GRIN1: variants seen among roughly 807,000 people sequenced by gnomAD.
GRIN1 encodes the protein glutamate receptor ionotropic, NMDA 1.
In GRIN1, 38 loss-of-function variants were observed where a neutral mutation model predicts 103.0. The observed-to-expected ratio is 0.37, with a 90% CI of 0.28 to 0.48. The LOEUF (loss-of-function observed/expected upper bound fraction) is 0.48, where lower values mean the gene tolerates loss of function less well. Among genes scored for constraint, GRIN1 ranks in the 20% least tolerant of loss-of-function variants. The pLI is 0.98. For synonymous variants in GRIN1, 544 were observed against 532.7 expected (o/e 1.02, Z -0.29); for missense variants, 577 against 1,288.9 (o/e 0.45, Z 8.46).
Position 137,161,402 on chromosome 9 carries a change from G to C in GRIN1, c.1453G>C (p.Gly485Arg). ...GCACCTGGTGGCAGATGGCAAGTTC[G>C]GCACACAGGAGCGGGTAGGCTGGAC... ...EVHLVADGKF[G>R]TQERVNNSNK... The change falls in exon 10 of 20, where the codon GGC becomes CGC. Residue 485 changes from glycine (G) to arginine (R), a missense_variant. Physicochemically the swap from Gly to Arg is moderately radical, Grantham distance 125 (BLOSUM62 -2). Around this residue, in one of 9 missense-constraint regions of GRIN1, gnomAD observed 96 missense variants for 145.0 expected, o/e 0.66. Transcript: ENST00000371561. 1 of 1,612,142 alleles carries C rather than the reference G, an allele frequency of 6.2e-7. No individual in the cohort carries two copies. The highest frequency in any genetic ancestry group is 8.5e-7 in the Non-Finnish European group (1 of 1,179,620).
Position 137,139,835 on chromosome 9 carries a change from T to G in GRIN1, c.258+91T>G. The G allele has an allele frequency of 9.7e-7, 1 of 1,031,098 alleles. No homozygotes were observed. The allele number at this position is 1,031,098 out of a possible 1,614,324, so 63.9% of individuals were successfully genotyped here. A position where few individuals can be genotyped will look rare whatever the true frequency, so the allele number is the denominator to read the frequency against. On this transcript the variant is annotated intron_variant, in intron 1 of 19. Coordinates refer to ENST00000371561, the MANE Select transcript of GRIN1 (RefSeq NM_007327.4). The surrounding 1 kb of genome is among the most constrained non-coding windows in gnomAD (Gnocchi z 7.7). ...TTCATTCCATCCTTTCCGTGCCCCC[T>G]TCCTCCCTGTAAGACACCACCCCAG... is the stretch of plus-strand genomic sequence containing the variant.
rs1169074764 is a variant in GRIN1, at chr9:137,146,019, ACCACGTCTGGCGAGCGCCCG to A, written c.570+120_570+139del. ...CTTTCCATCGTGCATGGTCAGCACC[ACCACGTCTGGCGAGCGCCCG>A]CCCCAGCCTGTCCTCGGCTCATTTC... is the stretch of plus-strand genomic sequence containing the variant. On this transcript the variant is annotated intron_variant, in intron 3 of 19. Coordinates refer to ENST00000371561, the MANE Select transcript of GRIN1 (RefSeq NM_007327.4). This position sits in a 1 kb window ranked among gnomAD's most constrained non-coding sequence, Gnocchi z 6.7. 11 of 776,532 alleles carry A rather than the reference ACCACGTCTGGCGAGCGCCCG, an allele frequency of 1.4e-5. No individual in the cohort carries two copies. Among genetic ancestry groups the A allele is most frequent in the Non-Finnish European group, 2.3e-5 (11 of 475,852 alleles). The allele number at this position is 776,532 out of a possible 1,614,324, so 48.1% of individuals were successfully genotyped here.
chr9:137,155,371 C>T (rs1833155547), intron 4 of GRIN1, among the ~76,000 whole-genome samples: 1 of 152,206 alleles, frequency 6.6e-6, no homozygotes, highest in African/African-American at 2.4e-5. Flanking sequence ...GGGCACTGGG[C>T]CAGTGCTACT....
chr9:137,148,014 G>A (rs1020223705), intron 3 of GRIN1: 45 of 575,978 alleles, frequency 7.8e-5, no homozygotes, highest in Non-Finnish European at 1.2e-4. Context: ...CCCGGGCCTC[G>A]GTGTTTGCGA....
At position 137,156,948 on chromosome 9, in the gene GRIN1, C is replaced by G. The variant is rs746040843; in HGVS notation, c.879C>G (p.His293Gln). Reference protein sequence around the residue: ...DAVGVVAQAVHELLEKENITD... With the variant: ...DAVGVVAQAVQELLEKENITD... ...TGGGCGTGGTGGCCCAGGCCGTGCA[C>G]GAGCTCCTCGAGAAGGAGAACATCA... The change falls in exon 6 of 20, where the codon CAC becomes CAG. Residue 293 changes from histidine (H) to glutamine (Q), a missense_variant. Physicochemically the swap from His to Gln is conservative, Grantham distance 24 (BLOSUM62 0). Transcript: ENST00000371561. 1.9e-6 allele frequency: 3 copies of G among 1,611,952 alleles called. No homozygotes were observed. Among genetic ancestry groups the G allele is most frequent in the African/African-American group, 2.7e-5 (2 of 74,938 alleles).
chr9:137,161,749 G>T (rs1282499341), intron 10 of GRIN1, among the ~76,000 whole-genome samples, 175 bp from the exon 11 acceptor site: 1 of 150,802 alleles, frequency 6.6e-6, no homozygotes, highest in Non-Finnish European at 1.5e-5. Flanking sequence ...GGCCCGCCCG[G>T]CGTGGGAGGG....
intron 19 of GRIN1, among the ~76,000 whole-genome samples, chr9:137,167,136 G>A (rs895172041): frequency 2.0e-5 from 3 of 152,152 alleles, no homozygotes; most frequent in South Asian, 2.1e-4. Flanking sequence ...GGCTGGCCCC[G>A]CCCTGCAAGG....
chr9:137,166,773 G>C (rs901725767), intron 19 of GRIN1, among the ~76,000 whole-genome samples: 1 of 152,278 alleles, frequency 6.6e-6, no homozygotes, highest in Non-Finnish European at 1.5e-5. Context: ...AAAGCGGGCA[G>C]AGCTGATGCT....
chr9:137,151,903 T>C (rs886448738), intron 4 of GRIN1, among the ~76,000 whole-genome samples: 23 of 139,000 alleles, frequency 1.7e-4, no homozygotes, highest in African/African-American at 5.8e-4. Context: ...TGGCCTCTTT[T>C]TTTTTTTTTT....
At position 137,163,667 on chromosome 9, in the gene GRIN1, C is replaced by G. The variant is rs773708731; in HGVS notation, c.2442C>G (p.Ala814=). Residue 814 remains alanine, a splice_region_variant and synonymous_variant, in exon 17 of 20, where the codon GCC becomes GCG. Transcript: ENST00000371561. ...CGACCCTTACTTTTGAGAACATGGCCGGTGCGTTCTCCTTCATCCATTCTC... is the reference window on the plus strand; with the variant it reads ...CGACCCTTACTTTTGAGAACATGGCGGGTGCGTTCTCCTTCATCCATTCTC... ...APATLTFENM[A]GVFMLVAGGI... 1.2e-6 allele frequency: 2 copies of G among 1,612,572 alleles called. No individual in the cohort carries two copies. Among genetic ancestry groups the G allele is most frequent in the South Asian group, 2.2e-5 (2 of 91,050 alleles).
chr9:137,148,006 C>CG, intron 3 of GRIN1: 1 of 604,368 alleles, frequency 1.7e-6, no homozygotes, highest in Non-Finnish European at 2.9e-6. Flanking sequence ...AGCCCCGCCC[C>CG]GGGCCTCGGT....
intron 2 of GRIN1, among the ~76,000 whole-genome samples, chr9:137,144,731 T>G (rs55656999): frequency 0.34 from 12,347 of 36,080 alleles, 523 homozygotes; most frequent in Non-Finnish European, 0.36. Context: ...TCCCCAGGGG[T>G]GTGGGGACAG....
intron 4 of GRIN1, among the ~76,000 whole-genome samples, chr9:137,149,506 A>C (rs898860455): frequency 2.6e-5 from 4 of 152,240 alleles, no homozygotes; most frequent in African/African-American, 9.6e-5. Flanking sequence ...CCAGGCGAAA[A>C]GGCCCACAGC....
chr9:137,158,028 G>A (rs1232603723), intron 6 of GRIN1, among the ~76,000 whole-genome samples: 2 of 152,248 alleles, frequency 1.3e-5, no homozygotes, highest in Non-Finnish European at 1.5e-5. Flanking sequence ...TGGCAAGAGG[G>A]CAGGCATCCT....
intron 15 of GRIN1, 82 bp downstream of exon 15, chr9:137,163,085 C>T: frequency 2.5e-6 from 4 of 1,575,080 alleles, no homozygotes; most frequent in Non-Finnish European, 3.4e-6. Context: ...GGAGAGCGTC[C>T]GGGCCGGGCA....
chr9:137,141,163 G>A (rs1308634190), intron 1 of GRIN1, among the ~76,000 whole-genome samples: 2 of 152,212 alleles, frequency 1.3e-5, no homozygotes, highest in Non-Finnish European at 2.9e-5. Flanking sequence ...CCCCGGCCAG[G>A]TACTGTCCTG....
chr9:137,139,348 G>GAGCCCATGA lies in GRIN1; in HGVS notation c.-139_-138insAGCCCATGA. 2 of 422,668 alleles carry GAGCCCATGA rather than the reference G, an allele frequency of 4.7e-6. No individual in the cohort carries two copies. Among genetic ancestry groups the GAGCCCATGA allele is most frequent in the Non-Finnish European group, 7.3e-6 (2 of 275,856 alleles). 26.2% of individuals were successfully genotyped at this position (422,668 alleles called of 1,614,324 possible). A position where few individuals can be genotyped will look rare whatever the true frequency, so the allele number is the denominator to read the frequency against. On this transcript the variant is annotated 5_prime_UTR_variant, in exon 1 of 20. It adds an upstream start codon to the 5' untranslated region. Transcript: ENST00000371561. This position sits in a 1 kb window ranked among gnomAD's most constrained non-coding sequence, Gnocchi z 7.7. ...CGCCCCTTCCCTCGGCCGACGTCCC[G>GAGCCCATGA]GGACCGCCGCTCCGGGGGAGACGTG...
intron 7 of GRIN1, 48 bp from the exon 8 acceptor site, chr9:137,158,573 G>A (rs764129522): frequency 6.2e-7 from 1 of 1,606,118 alleles, no homozygotes; most frequent in Admixed American, 1.7e-5. Flanking sequence ...GGGTCCTGGG[G>A]CCAAGACCCC....
In GRIN1 at chr9:137,167,830, C is replaced by T; in HGVS notation, c.*303C>T. 1 of 1,612,174 alleles carries T rather than the reference C, an allele frequency of 6.2e-7. No homozygotes were observed. Among genetic ancestry groups the T allele is most frequent in the Non-Finnish European group, 8.5e-7 (1 of 1,179,612 alleles). ...TCAACCTCTCAGATCCCTCGGTCAG[C>T]ACCGTGGTGTGAGGCCCCCGGAGGC... is the stretch of plus-strand genomic sequence containing the variant. On this transcript the variant is annotated 3_prime_UTR_variant, in exon 20 of 20. Transcript: ENST00000371561.
Sources: gnomAD v4.1 joint callset for allele counts (sites outside exome capture counted in the v4.1 genomes callset) on GRCh38, gnomAD v4.1.1 for gene constraint, gnomAD v4.1.1 regional missense constraint, Gnocchi (gnomAD v3.1) non-coding constraint, MANE v1.5 for transcripts, NCBI Gene and HGNC (gene_info 2026-07-23, HGNC 2026-07-21) for gene names.